INVS: variants seen among roughly 807,000 people sequenced by gnomAD.
INVS encodes the protein inversion of embryo turning homolog.
In INVS, 86 loss-of-function variants were observed where a neutral mutation model predicts 108.8. That is an observed-to-expected ratio of 0.79 (90% confidence interval 0.66 to 0.95). The LOEUF (loss-of-function observed/expected upper bound fraction) is 0.95, where lower values mean the gene tolerates loss of function less well. Among genes scored for constraint, INVS ranks in the 40% least tolerant of loss-of-function variants. The probability of loss-of-function intolerance (pLI) is 0.00; values close to 1 mark genes in which losing one functional copy is unlikely to be tolerated. For synonymous variants in INVS, 455 were observed against 473.5 expected, an observed-to-expected ratio of 0.96 and a Z score of 0.51; for missense variants, 1,169 against 1,297.4, an observed-to-expected ratio of 0.90 and a Z score of 1.52.
At chr9:100,199,205 T>C (rs546001583) in intron 3 of INVS, among the ~76,000 whole-genome samples, 1 of 152,224 alleles carries the variant, frequency 6.6e-6, no homozygotes, top group South Asian at 2.1e-4. Context: ...AACTTTCTTA[T>C]CACTCATTTC....
intron 3 of INVS, among the ~76,000 whole-genome samples, chr9:100,159,617 G>A (rs942582452): frequency 4.6e-5 from 7 of 152,044 alleles, no homozygotes; most frequent in African/African-American, 1.7e-4. Flanking sequence ...AACTATAATA[G>A]AAGGCAGTTT....
intron 3 of INVS, among the ~76,000 whole-genome samples, chr9:100,170,837 A>G (rs979404066): frequency 6.6e-6 from 1 of 152,226 alleles, no homozygotes; most frequent in African/African-American, 2.4e-5. Flanking sequence ...GACAGGGACT[A>G]TCCTGCCCTC....
chr9:100,133,333 A>G (rs1403414745), intron 3 of INVS, among the ~76,000 whole-genome samples: 1 of 148,692 alleles, frequency 6.7e-6, no homozygotes, highest in Non-Finnish European at 1.5e-5. Flanking sequence ...TTCTACCTTT[A>G]CTTTATGTGT....
chr9:100,288,281 C>G (rs1291530374), intron 13 of INVS, among the ~76,000 whole-genome samples: 1 of 152,192 alleles, frequency 6.6e-6, no homozygotes, highest in Non-Finnish European at 1.5e-5. Context: ...CCCATGTTTG[C>G]AGCTGAGTAG....
chr9:100,112,276 GATATA>G (rs1827361610), intron 2 of INVS, among the ~76,000 whole-genome samples: 1 of 152,154 alleles, frequency 6.6e-6, no homozygotes, highest in African/African-American at 2.4e-5. Context: ...CCAGCCGGGG[GATATA>G]TACTTTCAAT....
chr9:100,215,189 T>A (rs1588094306), intron 3 of INVS: 1 of 152,184 alleles, frequency 6.6e-6, no homozygotes, highest in African/African-American at 2.4e-5. Flanking sequence ...TTGAACAAAA[T>A]GAATCCAGGT....
Position 100,130,814 on chromosome 9 carries a change from G to A in INVS, c.273+4265G>A, listed in dbSNP as rs893950400. On this transcript the variant is annotated intron_variant, in intron 3 of 16. Coordinates refer to ENST00000262457, the MANE Select transcript of INVS (RefSeq NM_014425.5). Reference sequence around the variant, plus strand: ...ATGTTAGGCCTTGGAACACAAAGGTGAACAACATGATTCCTGCTCTTAAGT... The same window carrying A: ...ATGTTAGGCCTTGGAACACAAAGGTAAACAACATGATTCCTGCTCTTAAGT... 4 of 152,112 alleles carry A rather than the reference G, an allele frequency of 2.6e-5. No homozygotes were observed. The South Asian group carries it at 6.2e-4, about 24-fold the overall frequency. 9.4% of individuals were successfully genotyped at this position (152,112 alleles called of 1,614,324 possible). A position where few individuals can be genotyped will look rare whatever the true frequency, so the allele number is the denominator to read the frequency against.
chr9:100,100,611 A>C (rs1465433932), intron 1 of INVS, among the ~76,000 whole-genome samples: 1 of 92,736 alleles, frequency 1.1e-5, no homozygotes, highest in East Asian at 2.5e-4. Flanking sequence ...TATAATATAT[A>C]TAATATATGT....
intron 13 of INVS, among the ~76,000 whole-genome samples, chr9:100,284,887 A>G (rs1171814364): frequency 5.3e-5 from 8 of 151,786 alleles, no homozygotes; most frequent in Admixed American, 5.3e-4. Context: ...ACTTCCATTC[A>G]CTTTGTCCAC....
intron 14 of INVS, 35 bp from the exon 15 acceptor site, chr9:100,296,882 A>T: frequency 6.5e-7 from 1 of 1,539,824 alleles, no homozygotes; most frequent in Non-Finnish European, 9.0e-7. Flanking sequence ...CAGTACTGTG[A>T]TCTTAAAGCC....
At chr9:100,240,586 G>A (rs1167678808) in intron 6 of INVS, among the ~76,000 whole-genome samples, 2 of 151,876 alleles carry the variant, frequency 1.3e-5, no homozygotes, top group Non-Finnish European at 2.9e-5. Flanking sequence ...TGATATTTGA[G>A]TTTTTTTCTT....
At chr9:100,292,297 G>C in intron 13 of INVS, 29 bp from the exon 14 acceptor site, 3 of 1,585,842 alleles carry the variant, frequency 1.9e-6, no homozygotes, top group South Asian at 2.2e-5. Context: ...TGCAAGTTTT[G>C]GACAATATTT....
At chr9:100,155,603 G>A (rs1828950955) in intron 3 of INVS, among the ~76,000 whole-genome samples, 1 of 152,218 alleles carries the variant, frequency 6.6e-6, no homozygotes, top group Admixed American at 6.5e-5. Context: ...CTCCCAAAGT[G>A]CTGGGATTAT....
chr9:100,236,384 T>G (rs1831687709), intron 5 of INVS, among the ~76,000 whole-genome samples: 1 of 152,184 alleles, frequency 6.6e-6, no homozygotes, highest in Non-Finnish European at 1.5e-5. Context: ...TCTCTGTCCA[T>G]TTTTGTTCCC....
intron 4 of INVS, among the ~76,000 whole-genome samples, chr9:100,229,327 G>A (rs1268887112): frequency 6.6e-6 from 1 of 152,072 alleles, no homozygotes; most frequent in Non-Finnish European, 1.5e-5. Flanking sequence ...TGGCTGCTAG[G>A]TGACTAACTG....
chr9:100,299,766 T>C (rs1256971735), intron 16 of INVS, among the ~76,000 whole-genome samples: 2 of 152,158 alleles, frequency 1.3e-5, no homozygotes, highest in African/African-American at 4.8e-5. Context: ...ATTATTAGTA[T>C]TGGTACCCCC....
intron 3 of INVS, among the ~76,000 whole-genome samples, chr9:100,163,006 T>G (rs1204957376): frequency 6.6e-6 from 1 of 152,032 alleles, no homozygotes; most frequent in Non-Finnish European, 1.5e-5. Flanking sequence ...GTTGGACACT[T>G]ACAGAGCCTT....
At chr9:100,141,883 G>A (rs946624573) in intron 3 of INVS, among the ~76,000 whole-genome samples, 1 of 152,174 alleles carries the variant, frequency 6.6e-6, no homozygotes, top group Admixed American at 6.5e-5. Flanking sequence ...GAATAGAATG[G>A]GCCTGTGAGG....
chr9:100,250,916 CT>C (rs1307942661), intron 8 of INVS, among the ~76,000 whole-genome samples: 1 of 152,174 alleles, frequency 6.6e-6, no homozygotes, highest in Non-Finnish European at 1.5e-5. Flanking sequence ...TCCACTGTCA[CT>C]TACTGTGCTG....
Sources: allele counts gnomAD v4.1 joint callset (sites outside exome capture counted in the v4.1 genomes callset), GRCh38; gene constraint gnomAD v4.1.1; transcripts MANE v1.5; gene names NCBI Gene and HGNC (gene_info 2026-07-23, HGNC 2026-07-21).